NEGR1: variants seen among roughly 807,000 people sequenced by gnomAD.
The protein encoded by NEGR1 is IgLON family member 4.
NEGR1 carries 10 observed loss-of-function variants against 40.9 expected under a neutral mutation model. That is an observed-to-expected ratio of 0.24 (90% CI 0.15 to 0.42). NEGR1 has a LOEUF of 0.42. Ranked by LOEUF, NEGR1 falls within the 10% of genes least tolerant of loss-of-function variation. The pLI, the probability that NEGR1 is intolerant of heterozygous loss-of-function variation, is 1.00. For missense variants in NEGR1, 352 were observed against 438.9 expected (o/e 0.80, Z 1.77); for synonymous variants, 185 against 166.8 (o/e 1.11, Z -0.84).
chr1:71,852,432 G>T (rs1363249584), intron 2 of NEGR1, among the ~76,000 whole-genome samples: 1 of 152,046 alleles, frequency 6.6e-6, no homozygotes, highest in Non-Finnish European at 1.5e-5. Flanking sequence ...ATTTCAATAT[G>T]AAAAATATGA....
chr1:72,224,447 A>G (rs1339148787), intron 1 of NEGR1, among the ~76,000 whole-genome samples: 3 of 152,084 alleles, frequency 2.0e-5, no homozygotes, highest in African/African-American at 2.4e-5. Flanking sequence ...GTGGGAAAAG[A>G]GTTCCATGCA....
At chr1:71,736,400 ATT>A (rs1226145170) in intron 3 of NEGR1, among the ~76,000 whole-genome samples, 1 of 152,118 alleles carries the variant, frequency 6.6e-6, no homozygotes, top group African/African-American at 2.4e-5. Context: ...AGCACCTTTG[ATT>A]TTAAATACCT....
chr1:72,017,398 A>T (rs1646721414), intron 1 of NEGR1, among the ~76,000 whole-genome samples: 1 of 152,166 alleles, frequency 6.6e-6, no homozygotes, highest in East Asian at 1.9e-4. Context: ...TCTATTATAA[A>T]GTAAACTTCT....
At chr1:72,267,308 G>C (rs57367764) in intron 1 of NEGR1, among the ~76,000 whole-genome samples, 3,958 of 151,060 alleles carry the variant, frequency 0.026, 163 homozygotes, top group African/African-American at 0.09. Context: ...GGCTATTAAA[G>C]GGTTTTATGA....
At chr1:71,702,905 T>C (rs1482551281) in intron 3 of NEGR1, among the ~76,000 whole-genome samples, 1 of 152,048 alleles carries the variant, frequency 6.6e-6, no homozygotes, top group Non-Finnish European at 1.5e-5. Flanking sequence ...GGTCTTGCAT[T>C]GTCAAGGAAA....
At chr1:72,244,122 T>C (rs1415425735) in intron 1 of NEGR1, among the ~76,000 whole-genome samples, 1 of 151,788 alleles carries the variant, frequency 6.6e-6, no homozygotes, top group Non-Finnish European at 1.5e-5. Flanking sequence ...TTTGACGATA[T>C]ATGGTAGAGA....
intron 2 of NEGR1, among the ~76,000 whole-genome samples, chr1:71,920,633 T>C (rs1645708525): frequency 6.6e-6 from 1 of 152,210 alleles, no homozygotes; most frequent in Admixed American, 6.5e-5. Context: ...AGATCTTTCT[T>C]TTCCAACACT....
chr1:72,056,969 T>C (rs1005821382), intron 1 of NEGR1, among the ~76,000 whole-genome samples: 4 of 151,650 alleles, frequency 2.6e-5, no homozygotes, highest in African/African-American at 4.8e-5. Flanking sequence ...TCCCAAACTT[T>C]CCTGCACTGA....
At chr1:72,180,575 G>T (rs1478601224) in intron 1 of NEGR1, among the ~76,000 whole-genome samples, 1 of 151,954 alleles carries the variant, frequency 6.6e-6, no homozygotes, top group East Asian at 1.9e-4. Context: ...CTGATAAGGG[G>T]TTAATATTCA....
At chr1:71,928,936 A>C (rs987356717) in intron 2 of NEGR1, among the ~76,000 whole-genome samples, 1 of 152,096 alleles carries the variant, frequency 6.6e-6, no homozygotes, top group Non-Finnish European at 1.5e-5. Context: ...GGGGTAAGTA[A>C]ATAATGATTT....
At chr1:71,553,651 C>G (rs1051223286) in intron 6 of NEGR1, among the ~76,000 whole-genome samples, 2 of 151,480 alleles carry the variant, frequency 1.3e-5, no homozygotes, top group African/African-American at 4.8e-5. Context: ...CAGTATCTAT[C>G]CTTTTCTAGG....
chr1:72,116,353 T>G, intron 1 of NEGR1, among the ~76,000 whole-genome samples: 1 of 151,756 alleles, frequency 6.6e-6, no homozygotes, highest in East Asian at 1.9e-4. Flanking sequence ...AAGTAGCAAA[T>G]GCATTAGAGA....
intron 5 of NEGR1, among the ~76,000 whole-genome samples, chr1:71,599,490 C>T (rs999433281): frequency 3.9e-5 from 6 of 152,124 alleles, no homozygotes; most frequent in South Asian, 4.1e-4. Context: ...CAGAGAGAAA[C>T]GAAAATTTAT....
At chr1:71,935,944 G>A (rs1219782611) in intron 1 of NEGR1, among the ~76,000 whole-genome samples, 2 of 151,938 alleles carry the variant, frequency 1.3e-5, no homozygotes, top group Non-Finnish European at 2.9e-5. Context: ...GATTACAAGC[G>A]CCTGCCACTG....
At chr1:71,576,229 T>C (rs1648962507) in intron 6 of NEGR1, among the ~76,000 whole-genome samples, 1 of 152,218 alleles carries the variant, frequency 6.6e-6, no homozygotes, top group South Asian at 2.1e-4. Context: ...AGCTGATCAT[T>C]GGTGTATAAA....
chr1:72,014,638 CAA>C (rs909595257), intron 1 of NEGR1, among the ~76,000 whole-genome samples: 48 of 151,916 alleles, frequency 3.2e-4, no homozygotes, highest in African/African-American at 1.1e-3. Context: ...CATAAAATAA[CAA>C]TATTATATTC....
intron 1 of NEGR1, among the ~76,000 whole-genome samples, chr1:72,017,418 A>G (rs755949898): frequency 1.8e-4 from 27 of 152,150 alleles, no homozygotes; most frequent in Non-Finnish European, 2.9e-4. Context: ...TTAAGAGCAA[A>G]GAACAAGTAT....
intron 4 of NEGR1, among the ~76,000 whole-genome samples, chr1:71,626,104 T>C (rs747066717): frequency 3.9e-5 from 6 of 151,958 alleles, no homozygotes; most frequent in Non-Finnish European, 8.8e-5. Context: ...CCTCAGTCCA[T>C]AGAAAAATTG....
intron 1 of NEGR1, among the ~76,000 whole-genome samples, chr1:72,142,516 C>T (rs982765612): frequency 1.5e-5 from 2 of 134,824 alleles, no homozygotes; most frequent in Admixed American, 1.6e-4. Flanking sequence ...AATCTGATAC[C>T]TAGATAGATG....
Sources: allele counts gnomAD v4.1 joint callset (sites outside exome capture counted in the v4.1 genomes callset), GRCh38; gene constraint gnomAD v4.1.1; transcripts MANE v1.5; gene names NCBI Gene and HGNC (gene_info 2026-07-23, HGNC 2026-07-21).